BBX: variants seen among roughly 807,000 people sequenced by gnomAD.
BBX encodes the protein BBX high mobility group box domain containing.
A neutral mutation model predicts 100.2 loss-of-function variants in BBX; 30 were observed. That is an observed-to-expected ratio of 0.30 (90% CI 0.22 to 0.41). The LOEUF (loss-of-function observed/expected upper bound fraction) is 0.41, where lower values mean the gene tolerates loss of function less well. BBX is among the 10% of genes least tolerant of loss of function. The pLI, the probability that BBX is intolerant of heterozygous loss-of-function variation, is 1.00. For missense variants in BBX, 1,023 were observed against 1,129.8 expected (o/e 0.91, Z 1.35); for synonymous variants, 376 against 388.1 (o/e 0.97, Z 0.37).
At position 107,650,630 on chromosome 3, in the gene BBX, G is replaced by A. The variant is rs144323332; in HGVS notation, c.-10+4721G>A. ...ATGTATATAAAAATGGTTTTTTTGG[G>A]CCTGGATTAGTCTTCAAATTGTTCC... is the stretch of plus-strand genomic sequence containing the variant. On this transcript the variant is annotated intron_variant, in intron 3 of 17. Transcript: ENST00000325805. Among the ~76,000 whole-genome samples, 922 of 151,976 alleles carry A rather than the reference G, an allele frequency of 6.1e-3. 14 individuals are homozygous for A. The highest frequency in any genetic ancestry group is 0.021 in the African/African-American group (891 of 41,448).
chr3:107,634,079 C>A (rs2056713141), intron 2 of BBX, among the ~76,000 whole-genome samples: 1 of 152,178 alleles, frequency 6.6e-6, no homozygotes, highest in South Asian at 2.1e-4. Context: ...CCTCTCTATT[C>A]TCTACTTTTG....
chr3:107,650,738 CA>C lies in BBX; in HGVS notation c.-10+4835del, dbSNP rs1361650272. 2.6e-5 allele frequency among the ~76,000 whole-genome samples: 4 copies of C among 152,178 alleles called. No homozygotes were observed. In the East Asian group the frequency reaches 7.7e-4, roughly 29 times the overall value. On this transcript the variant is annotated intron_variant, in intron 3 of 17. Transcript: ENST00000325805. ...GATTATTGGTAGAGTAAAACCACCT[CA>C]AAAAATATAAACTCTGCATCTTTAG...
At chr3:107,570,036 G>A (rs113532538) in intron 2 of BBX, among the ~76,000 whole-genome samples, 38,023 of 152,136 alleles carry the variant, frequency 0.25, 5,874 homozygotes, top group South Asian at 0.39. Flanking sequence ...GATAGAACAT[G>A]GCTTAGGAGG....
intron 2 of BBX, among the ~76,000 whole-genome samples, chr3:107,606,549 T>C (rs2054460070): frequency 6.6e-6 from 1 of 152,234 alleles, no homozygotes; most frequent in African/African-American, 2.4e-5. Context: ...TCTACCCCAG[T>C]ATTTCCAAAT....
chr3:107,635,199 A>G (rs2056777511), intron 2 of BBX, among the ~76,000 whole-genome samples: 2 of 152,218 alleles, frequency 1.3e-5, no homozygotes. Flanking sequence ...TAGTTTGGGT[A>G]TTGATATAGT....
At chr3:107,565,076 GT>G (rs1465291831) in intron 2 of BBX, among the ~76,000 whole-genome samples, 1 of 152,010 alleles carries the variant, frequency 6.6e-6, no homozygotes, top group African/African-American at 2.4e-5. Context: ...ATACTTTATA[GT>G]TTTTGTTGCC....
intron 10 of BBX, among the ~76,000 whole-genome samples, chr3:107,768,146 A>G (rs1046321312): frequency 6.6e-6 from 1 of 152,086 alleles, no homozygotes; most frequent in Non-Finnish European, 1.5e-5. Flanking sequence ...TGGCCTGTGT[A>G]ACTAACCTAT....
intron 6 of BBX, 97 bp downstream of exon 6, chr3:107,729,057 T>C: frequency 8.1e-7 from 1 of 1,227,074 alleles, no homozygotes; most frequent in South Asian, 1.5e-5. Context: ...ACAAAATTTA[T>C]AACCAATATT....
At chr3:107,743,309 C>T (rs891531309) in intron 7 of BBX, among the ~76,000 whole-genome samples, 2 of 151,946 alleles carry the variant, frequency 1.3e-5, no homozygotes, top group Non-Finnish European at 2.9e-5. Flanking sequence ...TTCTGGTATT[C>T]CTACCAATAA....
At chr3:107,529,344 T>C (rs2047996266) in intron 2 of BBX, among the ~76,000 whole-genome samples, 1 of 152,230 alleles carries the variant, frequency 6.6e-6, no homozygotes, top group Admixed American at 6.5e-5. Flanking sequence ...GAAATGGGCC[T>C]GAGTGGTATC....
chr3:107,782,660 C>T (rs573830329), intron 13 of BBX, among the ~76,000 whole-genome samples: 104 of 152,224 alleles, frequency 6.8e-4, no homozygotes, highest in Non-Finnish European at 8.2e-4. Context: ...AGGTTATTGT[C>T]AGTGTCCTTC....
At chr3:107,579,541 G>T (rs2052096846) in intron 2 of BBX, among the ~76,000 whole-genome samples, 2 of 152,196 alleles carry the variant, frequency 1.3e-5, no homozygotes, top group Non-Finnish European at 2.9e-5. Flanking sequence ...GTCTGGAAGG[G>T]TCACATTATT....
At chr3:107,770,427 C>A (rs542155053) in intron 10 of BBX, among the ~76,000 whole-genome samples, 3 of 152,218 alleles carry the variant, frequency 2.0e-5, no homozygotes, top group Admixed American at 1.3e-4. Context: ...TCTCTCCCCC[C>A]ACATGGGATA....
intron 2 of BBX, among the ~76,000 whole-genome samples, chr3:107,617,554 ATCAGCATTTTACAGTTT>A (rs1231793756): frequency 6.6e-6 from 1 of 151,868 alleles, no homozygotes; most frequent in Non-Finnish European, 1.5e-5. Context: ...TTTTTTTTCC[ATCAGCATTTTACAGTTT>A]TCAGCATATG....
chr3:107,661,904 T>A, intron 3 of BBX: 3 of 985,106 alleles, frequency 3.0e-6, no homozygotes, highest in Non-Finnish European at 3.6e-6. Flanking sequence ...GAGGATTCAC[T>A]GGGATATTGA....
chr3:107,776,519 T>A (rs2067332657), intron 12 of BBX, among the ~76,000 whole-genome samples: 1 of 152,186 alleles, frequency 6.6e-6, no homozygotes, highest in African/African-American at 2.4e-5. Flanking sequence ...GGGTTTGCCT[T>A]GTTTAGAACA....
chr3:107,798,857 C>CA (rs1162018223), intron 16 of BBX, 137 bp downstream of exon 16: 66 of 940,868 alleles, frequency 7.0e-5, no homozygotes, highest in Non-Finnish European at 7.7e-5. Flanking sequence ...AAAACAAAAA[C>CA]AAAAAAAACC....
At chr3:107,761,899 T>A (rs1421392934) in intron 10 of BBX, among the ~76,000 whole-genome samples, 1 of 152,178 alleles carries the variant, frequency 6.6e-6, no homozygotes, top group Non-Finnish European at 1.5e-5. Flanking sequence ...ATTTCTGTTG[T>A]GTCTTCATAT....
chr3:107,720,444 T>A (rs2062449506), intron 5 of BBX, among the ~76,000 whole-genome samples: 1 of 151,854 alleles, frequency 6.6e-6, no homozygotes, highest in Non-Finnish European at 1.5e-5. Flanking sequence ...TGTATAAGGA[T>A]TCAGAGAGAA....
Sources: gnomAD v4.1 joint callset for allele counts (sites outside exome capture counted in the v4.1 genomes callset) on GRCh38, gnomAD v4.1.1 for gene constraint, MANE v1.5 for transcripts, NCBI Gene and HGNC (gene_info 2026-07-23, HGNC 2026-07-21) for gene names.